The following HS6ST3 variants were observed in gnomAD, a reference collection of about 807,000 sequenced individuals.
HS6ST3 encodes heparan sulfate 6-O-sulfotransferase 3.
Under a neutral mutation model 36.7 loss-of-function variants are expected in HS6ST3, and 12 were observed. The observed-to-expected ratio is 0.33, with a 90% CI of 0.21 to 0.53. The LOEUF (loss-of-function observed/expected upper bound fraction) is 0.53, where lower values mean the gene tolerates loss of function less well. Among genes scored for constraint, HS6ST3 ranks in the 20% least tolerant of loss-of-function variants. The pLI, the probability that HS6ST3 is intolerant of heterozygous loss-of-function variation, is 0.95. For missense variants in HS6ST3, 584 were observed against 640.9 expected (o/e 0.91, Z 0.96); for synonymous variants, 240 against 257.5 (o/e 0.93, Z 0.65).
rs115033763 is a variant in HS6ST3 at position 96,758,044 on chromosome 13, C to A, written c.708-74446C>A. Among the ~76,000 whole-genome samples the A allele has an allele frequency of 5.0e-3, 758 of 152,016 alleles. 8 individuals are homozygous for A. Among genetic ancestry groups the A allele is most frequent in the African/African-American group, 0.017 (711 of 41,510 alleles). ...GTTTCTGCCTTAAATTATAGAATGA[C>A]CAGTTAATCTACCTGAGACAGAAGT... On this transcript the variant is annotated intron_variant, in intron 1 of 1. Coordinates refer to ENST00000376705, the MANE Select transcript of HS6ST3 (RefSeq NM_153456.4).
At chr13:96,105,980 T>C (rs1438775061) in intron 1 of HS6ST3, among the ~76,000 whole-genome samples, 7 of 152,332 alleles carry the variant, frequency 4.6e-5, no homozygotes, top group Non-Finnish European at 7.3e-5. Flanking sequence ...TTTGCAGTAA[T>C]GAACAAGGCA....
intron 1 of HS6ST3, among the ~76,000 whole-genome samples, chr13:96,341,559 A>G (rs532726824): frequency 7.2e-5 from 11 of 152,202 alleles, no homozygotes; most frequent in Admixed American, 5.9e-4. Context: ...CACCCTGGGG[A>G]TCTACAGTAA....
intron 1 of HS6ST3, among the ~76,000 whole-genome samples, chr13:96,403,178 A>G (rs1212867991): frequency 6.6e-6 from 1 of 152,074 alleles, no homozygotes; most frequent in Non-Finnish European, 1.5e-5. Context: ...GGCCCTGCAA[A>G]CATCTTTGTT....
At chr13:96,410,592 A>G (rs897557551) in intron 1 of HS6ST3, among the ~76,000 whole-genome samples, 1 of 152,188 alleles carries the variant, frequency 6.6e-6, no homozygotes, top group Non-Finnish European at 1.5e-5. Flanking sequence ...GTAAATGTCT[A>G]TAATAGGGTA....
intron 1 of HS6ST3, among the ~76,000 whole-genome samples, chr13:96,434,970 T>G (rs1273261343): frequency 6.6e-6 from 1 of 152,110 alleles, no homozygotes; most frequent in Non-Finnish European, 1.5e-5. Flanking sequence ...ACAAAACCAT[T>G]TTTGTCTGCC....
At chr13:96,356,985 AC>A (rs143958354) in intron 1 of HS6ST3, among the ~76,000 whole-genome samples, 19,422 of 152,182 alleles carry the variant, frequency 0.13, 1,418 homozygotes, top group Middle Eastern at 0.24. Context: ...TTGCTGCTTC[AC>A]CTTGAACTTT....
chr13:96,114,389 A>C (rs1179178519), intron 1 of HS6ST3, among the ~76,000 whole-genome samples: 1 of 152,084 alleles, frequency 6.6e-6, no homozygotes, highest in South Asian at 2.1e-4. Flanking sequence ...GCCTCAAGTA[A>C]TCCTTCTCCC....
At chr13:96,664,453 C>T (rs1158814898) in intron 1 of HS6ST3, among the ~76,000 whole-genome samples, 1 of 152,092 alleles carries the variant, frequency 6.6e-6, no homozygotes, top group East Asian at 1.9e-4. Context: ...CTATCCAAGC[C>T]AATATAGATC....
chr13:96,360,945 C>CAA (rs1555300657), intron 1 of HS6ST3, among the ~76,000 whole-genome samples: 89 of 130,664 alleles, frequency 6.8e-4, no homozygotes, highest in Middle Eastern at 4.1e-3. Flanking sequence ...GACCCTGTCC[C>CAA]AAAAAAAAAA....
chr13:96,124,165 A>G (rs1010606007), intron 1 of HS6ST3, among the ~76,000 whole-genome samples: 1 of 152,168 alleles, frequency 6.6e-6, no homozygotes, highest in Non-Finnish European at 1.5e-5. Flanking sequence ...GCTTTCCTCA[A>G]TAGTTTTTAG....
intron 1 of HS6ST3, among the ~76,000 whole-genome samples, chr13:96,211,720 A>G (rs865815790): frequency 4.6e-5 from 7 of 152,314 alleles, no homozygotes; most frequent in Non-Finnish European, 8.8e-5. Context: ...ATGGCACCAT[A>G]GGTAGTTGTC....
chr13:96,375,153 T>G (rs1325298125), intron 1 of HS6ST3, among the ~76,000 whole-genome samples: 1 of 152,140 alleles, frequency 6.6e-6, no homozygotes, highest in Non-Finnish European at 1.5e-5. Flanking sequence ...CTCTGGCCTT[T>G]TCTTGCCTTG....
chr13:96,576,450 C>T (rs2056321574), intron 1 of HS6ST3, among the ~76,000 whole-genome samples: 1 of 152,114 alleles, frequency 6.6e-6, no homozygotes, highest in Non-Finnish European at 1.5e-5. Context: ...GACTAAGCCA[C>T]CCACCTCCAA....
chr13:96,318,897 G>A (rs1416312166), intron 1 of HS6ST3, among the ~76,000 whole-genome samples: 2 of 152,004 alleles, frequency 1.3e-5, no homozygotes, highest in African/African-American at 2.4e-5. Flanking sequence ...AATTTTTGAC[G>A]TACAGATATT....
chr13:96,358,663 A>G (rs1391345507), intron 1 of HS6ST3, among the ~76,000 whole-genome samples: 1 of 152,124 alleles, frequency 6.6e-6, no homozygotes. Context: ...AAAACTATAA[A>G]TGATATTTGG....
intron 1 of HS6ST3, among the ~76,000 whole-genome samples, chr13:96,711,556 C>T (rs1358768866): frequency 1.3e-5 from 2 of 152,142 alleles, no homozygotes; most frequent in Non-Finnish European, 2.9e-5. Flanking sequence ...TGTCTTCACT[C>T]CCTTTTACTT....
At chr13:96,229,622 AGGC>A (rs2054498286) in intron 1 of HS6ST3, among the ~76,000 whole-genome samples, 1 of 152,194 alleles carries the variant, frequency 6.6e-6, no homozygotes, top group Non-Finnish European at 1.5e-5. Flanking sequence ...TATCTCCCAA[AGGC>A]TCCACCTTCA....
chr13:96,147,555 T>C (rs1167344526), intron 1 of HS6ST3, among the ~76,000 whole-genome samples: 1 of 152,222 alleles, frequency 6.6e-6, no homozygotes, highest in Non-Finnish European at 1.5e-5. Flanking sequence ...AACCCCTGGC[T>C]GCATGGGTTT....
intron 1 of HS6ST3, among the ~76,000 whole-genome samples, chr13:96,386,944 T>A (rs1362948777): frequency 6.6e-6 from 1 of 152,176 alleles, no homozygotes; most frequent in African/African-American, 2.4e-5. Flanking sequence ...TCTCTTTTTT[T>A]TGGAAACAGG....
Sources: gnomAD v4.1 joint callset for allele counts (sites outside exome capture counted in the v4.1 genomes callset) on GRCh38, gnomAD v4.1.1 for gene constraint, MANE v1.5 for transcripts, NCBI Gene and HGNC (gene_info 2026-07-23, HGNC 2026-07-21) for gene names.